RTTN: variants seen among roughly 807,000 people sequenced by gnomAD.
RTTN encodes the protein rotatin.
A neutral mutation model predicts 269.2 loss-of-function variants in RTTN; 182 were observed. That is an observed-to-expected ratio of 0.68 (90% confidence interval 0.60 to 0.76). RTTN has a LOEUF of 0.76. RTTN is among the 30% of genes least tolerant of loss of function. The pLI is 0.00. For synonymous variants in RTTN, 1,006 were observed against 963.5 expected (o/e 1.04, Z -0.82); for missense variants, 2,545 against 2,608.6 (o/e 0.98, Z 0.53).
At chr18:70,018,213 G>C (rs546835704) in intron 45 of RTTN, among the ~76,000 whole-genome samples, 2 of 152,156 alleles carry the variant, frequency 1.3e-5, no homozygotes, top group African/African-American at 4.8e-5. Flanking sequence ...AATTTCTGAT[G>C]GCTACACGTC....
At chr18:70,147,749 C>T (rs189433579) in intron 17 of RTTN, among the ~76,000 whole-genome samples, 4 of 152,238 alleles carry the variant, frequency 2.6e-5, no homozygotes, top group East Asian at 1.9e-4. Flanking sequence ...TTTCCTTGCA[C>T]TATGCTCCTG....
rs979158147 is a variant in RTTN at position 70,197,565 on chromosome 18, T to C, written c.693+59A>G. 1.4e-5 allele frequency: 14 copies of C among 1,010,002 alleles called. No individual in the cohort carries two copies. In the Admixed American group the frequency reaches 2.1e-4, roughly 15 times the overall value. 62.6% of individuals were successfully genotyped at this position (1,010,002 alleles called of 1,614,324 possible). A position where few individuals can be genotyped will look rare whatever the true frequency, so the allele number is the denominator to read the frequency against. On this transcript the variant is annotated intron_variant, in intron 6 of 48. Transcript: ENST00000640769. ...CCAAGAACTCCTACTCTGCAAAATT[T>C]GCTTTATTGCAAAAAGTTCTCTAGT... is the stretch of plus-strand genomic sequence containing the variant.
Position 70,168,910 on chromosome 18 carries a change from T to A in RTTN, c.1634A>T (p.Glu545Val). Residue 545 changes from glutamate (E) to valine (V), a missense_variant, in exon 12 of 49, where the codon GAG becomes GTG. Physicochemically the swap from Glu to Val is moderately radical, Grantham distance 121. Transcript: ENST00000640769. ...ENYSIYKRTA[E>V]AVYSIECTCN... is the part of the protein sequence containing the mutation. Reference sequence around the variant, plus strand: ...GGTGCATTCAATTGAATAAACGGCCTCTGCAGTTCGTTTATAAATACTGTA... The same window carrying A: ...GGTGCATTCAATTGAATAAACGGCCACTGCAGTTCGTTTATAAATACTGTA... 1 of 1,613,468 alleles carries A rather than the reference T, an allele frequency of 6.2e-7. No homozygotes were observed. Among genetic ancestry groups the A allele is most frequent in the Non-Finnish European group, 8.5e-7 (1 of 1,179,772 alleles).
intron 25 of RTTN, among the ~76,000 whole-genome samples, chr18:70,125,533 G>A (rs1462149470): frequency 6.6e-6 from 1 of 151,878 alleles, no homozygotes; most frequent in East Asian, 1.9e-4. Context: ...TGGAAAATGT[G>A]TAAAAAATAA....
At chr18:70,072,327 A>G (rs892577668) in intron 34 of RTTN, among the ~76,000 whole-genome samples, 1 of 152,128 alleles carries the variant, frequency 6.6e-6, no homozygotes, top group Non-Finnish European at 1.5e-5. Context: ...AAATTCTTTT[A>G]AAAAAACTGA....
At chr18:70,193,534 C>T in intron 7 of RTTN, 81 bp from the exon 8 acceptor site, 2 of 1,050,812 alleles carry the variant, frequency 1.9e-6, no homozygotes, top group Non-Finnish European at 2.6e-6. Flanking sequence ...ATCATTCTTC[C>T]AAAAACATTA....
At chr18:70,106,459 A>G (rs2059324043) in intron 28 of RTTN, among the ~76,000 whole-genome samples, 1 of 152,232 alleles carries the variant, frequency 6.6e-6, no homozygotes, top group Non-Finnish European at 1.5e-5. Context: ...TAAGTATCCA[A>G]CCTTGGAAGA....
chr18:70,107,155 G>T (rs1279595388), intron 28 of RTTN, among the ~76,000 whole-genome samples: 2 of 152,198 alleles, frequency 1.3e-5, no homozygotes, highest in Admixed American at 1.3e-4. Flanking sequence ...CCCATGCCGT[G>T]CTGCAGTAAA....
chr18:70,172,555 A>T (rs1245953437), intron 11 of RTTN, among the ~76,000 whole-genome samples: 1 of 152,232 alleles, frequency 6.6e-6, no homozygotes, highest in Non-Finnish European at 1.5e-5. Flanking sequence ...ATCTAAAAAC[A>T]AATACCTTAA....
intron 34 of RTTN, among the ~76,000 whole-genome samples, chr18:70,066,839 A>C (rs2058149393): frequency 6.6e-6 from 1 of 152,236 alleles, no homozygotes; most frequent in African/African-American, 2.4e-5. Context: ...GCAAAAACTA[A>C]GGTTATTTTC....
At chr18:70,108,554 T>C (rs1042981791) in intron 28 of RTTN, among the ~76,000 whole-genome samples, 2 of 152,136 alleles carry the variant, frequency 1.3e-5, no homozygotes, top group African/African-American at 2.4e-5. Context: ...AGAAAAAAGA[T>C]GCAAAATTCG....
chr18:70,205,666 C>A lies in RTTN; in HGVS notation c.-8G>T, dbSNP rs746267460. The A allele has an allele frequency of 5.0e-6, 8 of 1,614,066 alleles. No individual in the cohort carries two copies. The highest frequency in any genetic ancestry group is 6.8e-6 in the Non-Finnish European group (8 of 1,180,000). On this transcript the variant is annotated 5_prime_UTR_variant, in exon 1 of 49. Transcript: ENST00000640769. ...GAGCCCTGCCAGGACCATCTCGTCC[C>A]GTCAATCTGCAGCCGCCGGAGAATT...
At position 70,051,463 on chromosome 18, in the gene RTTN, G is replaced by A; in HGVS notation, c.5271C>T (p.Ile1757=). ...LAMLLRKAGA[I]TLPFVTVALA... is the part of the protein sequence containing the mutation. ...GGGCCACGGTAACAAACGGGAGTGT[G>A]ATGGCACCAGCTTTCCTCAGGAGCA... The change falls in exon 39 of 49, where the codon ATC becomes ATT. Residue 1757 remains isoleucine, a synonymous_variant. Transcript: ENST00000640769. 2 of 1,614,030 alleles carry A rather than the reference G, an allele frequency of 1.2e-6. No homozygotes were observed. The highest frequency in any genetic ancestry group is 2.2e-5 in the East Asian group (1 of 44,872).
intron 21 of RTTN, among the ~76,000 whole-genome samples, chr18:70,135,852 A>T (rs1038573409): frequency 6.6e-6 from 1 of 152,172 alleles, no homozygotes; most frequent in Admixed American, 6.5e-5. Context: ...TAGCTCTACC[A>T]CTTACTACTT....
chr18:70,167,551 G>A (rs900738165), intron 12 of RTTN, among the ~76,000 whole-genome samples: 10 of 151,824 alleles, frequency 6.6e-5, no homozygotes, highest in African/African-American at 1.7e-4. Flanking sequence ...GCGAAACCCC[G>A]TCTCTACTAA....
Position 70,016,162 on chromosome 18 carries a change from T to C in RTTN, c.6421+1245A>G, listed in dbSNP as rs559543978. On this transcript the variant is annotated intron_variant, in intron 46 of 48. Transcript: ENST00000640769. ...CATCCTTCTATATCATATCTAGCAG[T>C]TGATTATCAGAATGCTTATCAGAAA... Among the ~76,000 whole-genome samples the C allele has an allele frequency of 3.1e-4, 47 of 152,302 alleles. No homozygotes were observed. In the South Asian group the frequency reaches 5.4e-3, roughly 17 times the overall value.
chr18:70,042,366 CTTTTTTTTTTTTTTTT>C (rs1017125527), intron 40 of RTTN, among the ~76,000 whole-genome samples: 6 of 78,072 alleles, frequency 7.7e-5, no homozygotes, highest in Admixed American at 2.7e-4. Context: ...TTGGAATTTT[CTTTTTTTTTTTTTTTT>C]TTTTTTTTTT....
chr18:70,121,038 G>A (rs748346721), intron 26 of RTTN, among the ~76,000 whole-genome samples: 13 of 151,558 alleles, frequency 8.6e-5, no homozygotes, highest in Non-Finnish European at 1.8e-4. Context: ...GTGACAGGGC[G>A]AGACGCCGTC....
rs887422812 is a variant in RTTN at position 70,003,853 on chromosome 18, T to G, written c.*298A>C. 5 of 217,612 alleles carry G rather than the reference T, an allele frequency of 2.3e-5. No homozygotes were observed. The highest frequency in any genetic ancestry group is 4.5e-5 in the Non-Finnish European group (5 of 111,802). 13.5% of individuals were successfully genotyped at this position (217,612 alleles called of 1,614,324 possible). On this transcript the variant is annotated 3_prime_UTR_variant, in exon 49 of 49. Coordinates refer to ENST00000640769, the MANE Select transcript of RTTN (RefSeq NM_173630.4). ...TTATTAAATAACTGTTAAATAGGATTTTTACAAAATAAATGGCATAGAAAA... is the reference window on the plus strand; with the variant it reads ...TTATTAAATAACTGTTAAATAGGATGTTTACAAAATAAATGGCATAGAAAA...
Sources: gnomAD v4.1 joint callset for allele counts (sites outside exome capture counted in the v4.1 genomes callset) on GRCh38, gnomAD v4.1.1 for gene constraint, MANE v1.5 for transcripts, NCBI Gene and HGNC (gene_info 2026-07-23, HGNC 2026-07-21) for gene names.